Variants in OSTN observed in about 807,000 individuals in gnomAD.
OSTN encodes osteocrin.
Under a neutral mutation model 12.0 loss-of-function variants are expected in OSTN, and 9 were observed. The ratio of observed to expected loss-of-function variants is 0.75; its 90% CI spans 0.45 to 1.30. OSTN has a LOEUF of 1.30. OSTN is among the 50% of genes most tolerant of loss of function. The probability of loss-of-function intolerance (pLI) is 0.00; values close to 1 mark genes in which losing one functional copy is unlikely to be tolerated. For missense variants in OSTN, 148 were observed against 152.3 expected (o/e 0.97, Z 0.15); for synonymous variants, 59 against 56.9 (o/e 1.04, Z -0.16).
At chr3:191,234,490 A>C (rs1715137912) in intron 3 of OSTN, 1 of 152,318 alleles carries the variant, frequency 6.6e-6, no homozygotes, top group Admixed American at 6.5e-5. Flanking sequence ...TGAGGGTAGG[A>C]GTTTGTCACC....
At chr3:191,235,181 G>T (rs1185939321) in intron 3 of OSTN, among the ~76,000 whole-genome samples, 1 of 152,160 alleles carries the variant, frequency 6.6e-6, no homozygotes, top group East Asian at 1.9e-4. Flanking sequence ...CCAAAGGCAG[G>T]TATTAATGGC....
chr3:191,218,964 A>C lies in OSTN; in HGVS notation c.317+3A>C. The C allele has an allele frequency of 6.3e-7, 1 of 1,593,822 alleles. No individual in the cohort carries two copies. Among genetic ancestry groups the C allele is most frequent in the Non-Finnish European group, 8.5e-7 (1 of 1,172,562 alleles). ...GTAGATCACAAAGGTAAACAGAGGT[A>C]AGTGAACTCAGAAAAAGAAAGTTTT... On this transcript the variant is annotated splice_donor_region_variant and intron_variant, in intron 3 of 4. Transcript: ENST00000682035.
chr3:191,235,179 A>G (rs1000473532), intron 3 of OSTN, among the ~76,000 whole-genome samples: 1 of 152,220 alleles, frequency 6.6e-6, no homozygotes, highest in African/African-American at 2.4e-5. Flanking sequence ...ACCCAAAGGC[A>G]GGTATTAATG....
At chr3:191,221,558 T>G (rs184145913) in intron 3 of OSTN, among the ~76,000 whole-genome samples, 7 of 152,156 alleles carry the variant, frequency 4.6e-5, no homozygotes, top group African/African-American at 7.2e-5. Context: ...TGCAAAGAGA[T>G]TGATAGCATT....
chr3:191,240,279 T>A (rs1224721974), intron 3 of OSTN, among the ~76,000 whole-genome samples: 1 of 152,236 alleles, frequency 6.6e-6, no homozygotes, highest in Admixed American at 6.5e-5. Context: ...CACATGTCAG[T>A]CCTTCCAAGG....
At position 191,263,935 on chromosome 3, in the gene OSTN, T is replaced by C. The variant is rs1405201664; in HGVS notation, c.*1082T>C. 7.4e-6 allele frequency: 1 copy of C among 134,354 alleles called. No homozygotes were observed. The highest frequency in any genetic ancestry group is 2.6e-5 in the African/African-American group (1 of 38,440). 8.3% of individuals were successfully genotyped at this position (134,354 alleles called of 1,614,324 possible). ...ACATAGGTCCATTGTGCATTGGATA[T>C]ACTTTGAAAACACACAAAAAAAACT... is the stretch of plus-strand genomic sequence containing the variant. On this transcript the variant is annotated 3_prime_UTR_variant, in exon 5 of 5. Transcript: ENST00000682035.
chr3:191,222,744 G>A (rs1205275815), intron 3 of OSTN, among the ~76,000 whole-genome samples: 10 of 152,138 alleles, frequency 6.6e-5, no homozygotes, highest in Non-Finnish European at 1.3e-4. Context: ...ATGTTGTCTT[G>A]AATTTTAGTT....
chr3:191,245,724 G>A (rs1002151277), intron 3 of OSTN, among the ~76,000 whole-genome samples: 1 of 152,102 alleles, frequency 6.6e-6, no homozygotes, highest in African/African-American at 2.4e-5. Context: ...AATAAATTTT[G>A]GTAGGAGAGA....
intron 4 of OSTN, among the ~76,000 whole-genome samples, chr3:191,259,628 C>T (rs964407848): frequency 6.6e-6 from 1 of 151,810 alleles, no homozygotes; most frequent in African/African-American, 2.4e-5. Context: ...TCAAAAGTCA[C>T]ACAGATGTCA....
chr3:191,244,576 T>TTA (rs1282335359), intron 3 of OSTN, among the ~76,000 whole-genome samples: 1 of 148,036 alleles, frequency 6.8e-6, no homozygotes, highest in Non-Finnish European at 1.5e-5. Context: ...TGTAGCACCA[T>TTA]TATATATATA....
In OSTN at chr3:191,206,204, T is replaced by C. The variant is rs932351333; in HGVS notation, c.1-6329T>C. Among the ~76,000 whole-genome samples, 94 of 147,028 alleles carry C rather than the reference T, an allele frequency of 6.4e-4. 1 individual carries two copies. The highest frequency in any genetic ancestry group is 1.2e-3 in the Non-Finnish European group (79 of 66,444). On this transcript the variant is annotated intron_variant, in intron 1 of 4. Coordinates refer to ENST00000682035, the MANE Select transcript of OSTN (RefSeq NM_198184.2). ...TCCATCTCAGAAAAAAAAAAAAAAA[T>C]CCTAAGTAAACATTTTAAAATAAAT...
At chr3:191,246,617 AG>A (rs200049789) in intron 3 of OSTN, among the ~76,000 whole-genome samples, 79 of 114,678 alleles carry the variant, frequency 6.9e-4, no homozygotes, top group East Asian at 2.6e-3. Flanking sequence ...AAAAAAAAAA[AG>A]AAAGAAAGAA....
rs1051645682 is a variant in OSTN at position 191,243,418 on chromosome 3, G to A, written c.318-6619G>A. ...CTACAGTAGGATGGATAAACAAATG[G>A]TTGTGTATTCACACAATGAAATATT... On this transcript the variant is annotated intron_variant, in intron 3 of 4. Transcript: ENST00000682035. 2.0e-5 allele frequency among the ~76,000 whole-genome samples: 3 copies of A among 152,114 alleles called. No individual in the cohort carries two copies. In the East Asian group the frequency reaches 5.8e-4, roughly 29 times the overall value.
chr3:191,202,956 T>C (rs1714183960), intron 1 of OSTN, among the ~76,000 whole-genome samples: 2 of 152,224 alleles, frequency 1.3e-5, no homozygotes, highest in Admixed American at 1.3e-4. Flanking sequence ...TACAGATTAA[T>C]GTATGAAAAG....
chr3:191,231,861 T>C (rs1423850376), intron 3 of OSTN, among the ~76,000 whole-genome samples: 1 of 152,204 alleles, frequency 6.6e-6, no homozygotes, highest in Non-Finnish European at 1.5e-5. Context: ...TATGAACCCC[T>C]TCTCAGAGTA....
In OSTN at chr3:191,246,007, C is replaced by T. The variant is rs376013389; in HGVS notation, c.318-4030C>T. Among the ~76,000 whole-genome samples the T allele has an allele frequency of 4.8e-3, 670 of 138,522 alleles. 6 individuals are homozygous for T. The highest frequency in any genetic ancestry group is 0.017 in the African/African-American group (613 of 36,980). 90.9% of individuals were successfully genotyped at this position (138,522 alleles called of 152,430 possible). ...GCTTGAACCCGGGAGGCAAAGGTTG[C>T]CGTGAACTGAGATTGTGCCATTGCA... On this transcript the variant is annotated intron_variant, in intron 3 of 4. Coordinates refer to ENST00000682035, the MANE Select transcript of OSTN (RefSeq NM_198184.2).
chr3:191,214,710 G>C (rs1188730113), intron 2 of OSTN, among the ~76,000 whole-genome samples: 1 of 152,112 alleles, frequency 6.6e-6, no homozygotes, highest in Non-Finnish European at 1.5e-5. Flanking sequence ...AAATGTATTA[G>C]TCCATTTTCA....
At chr3:191,218,101 G>A (rs1055520009) in intron 2 of OSTN, among the ~76,000 whole-genome samples, 7 of 152,132 alleles carry the variant, frequency 4.6e-5, no homozygotes, top group Non-Finnish European at 8.8e-5. Context: ...AATAATAAGT[G>A]CAGTGATGAA....
chr3:191,253,379 C>T lies in OSTN; in HGVS notation c.*12+3246C>T, dbSNP rs1272915531. Among the ~76,000 whole-genome samples, 9 of 152,226 alleles carry T rather than the reference C, an allele frequency of 5.9e-5. No individual in the cohort carries two copies. The South Asian group carries it at 1.0e-3, about 18-fold the overall frequency. ...ATGCCTACTATAGGGGCCAAATGCC[C>T]GCTGAGGTTTTGCTAACAGTCACTG... On this transcript the variant is annotated intron_variant, in intron 4 of 4. Coordinates refer to ENST00000682035, the MANE Select transcript of OSTN (RefSeq NM_198184.2).
Sources: allele counts gnomAD v4.1 joint callset (sites outside exome capture counted in the v4.1 genomes callset), GRCh38; gene constraint gnomAD v4.1.1; transcripts MANE v1.5; gene names NCBI Gene and HGNC (gene_info 2026-07-23, HGNC 2026-07-21).